The following CASD1 variants were observed in gnomAD, a reference collection of about 807,000 sequenced individuals.
CASD1 encodes CAS1 domain sialic acid O acetyltransferase 1, also known as N-acetylneuraminate (7)9-O-acetyltransferase.
Under a neutral mutation model 100.0 loss-of-function variants are expected in CASD1, and 41 were observed. The ratio of observed to expected loss-of-function variants is 0.41; its 90% confidence interval spans 0.32 to 0.53. The LOEUF is 0.53. Among genes scored for constraint, CASD1 ranks in the 20% least tolerant of loss-of-function variants. The pLI, the probability that CASD1 is intolerant of heterozygous loss-of-function variation, is 0.25. For missense variants in CASD1, 774 were observed against 948.7 expected, an observed-to-expected ratio of 0.82 and a Z score of 2.42; for synonymous variants, 321 against 315.6, an observed-to-expected ratio of 1.02 and a Z score of -0.18.
the CASD1 span, among the ~76,000 whole-genome samples, chr7:94,562,191 G>A: frequency 6.6e-6 from 1 of 152,126 alleles, no homozygotes; most frequent in African/African-American, 2.4e-5. Context: ...AGAAGCAAGA[G>A]CTAAATTTGT....
the CASD1 span, among the ~76,000 whole-genome samples, chr7:94,605,570 G>A: frequency 6.6e-6 from 1 of 152,038 alleles, no homozygotes; most frequent in South Asian, 2.1e-4. Flanking sequence ...TAAGATACCT[G>A]CAATACCTAG....
intron 1 of CASD1, among the ~76,000 whole-genome samples, chr7:94,517,131 C>A (rs1184326655): frequency 6.6e-6 from 1 of 152,042 alleles, no homozygotes; most frequent in Non-Finnish European, 1.5e-5. Context: ...CTCAAACACT[C>A]GACCTCGAGT....
chr7:94,591,559 C>G, the CASD1 span, among the ~76,000 whole-genome samples: 6 of 152,218 alleles, frequency 3.9e-5, no homozygotes, highest in East Asian at 1.2e-3. Context: ...CACATGTTTT[C>G]CAAAAGCACT....
the CASD1 span, chr7:94,599,647 G>C: frequency 2.0e-6 from 3 of 1,488,792 alleles, no homozygotes; most frequent in African/African-American, 1.4e-5. Flanking sequence ...ATGGGCAACT[G>C]AGAGGTGGGA....
At position 94,533,667 on chromosome 7, in the gene CASD1, ACTT is replaced by A. The variant is rs754814982; in HGVS notation, c.505-8_505-6del. ...AATACTAAATTAATGCATAATTTGT[ACTT>A]CTTTTTAGTGGTCCATCAAGATTCA... is the stretch of plus-strand genomic sequence containing the variant. On this transcript the variant is annotated splice_polypyrimidine_tract_variant and intron_variant, in intron 6 of 17. Transcript: ENST00000297273. 1.7e-5 allele frequency: 27 copies of A among 1,580,622 alleles called. No homozygotes were observed. In the South Asian group the frequency reaches 1.9e-4, roughly 11 times the overall value.
the CASD1 span, chr7:94,623,350 C>A: frequency 6.2e-7 from 1 of 1,602,798 alleles, no homozygotes; most frequent in Non-Finnish European, 8.5e-7. Context: ...TATTAATTAT[C>A]AAATTATGCC....
At chr7:94,534,819 A>G (rs1331923973) in intron 7 of CASD1, among the ~76,000 whole-genome samples, 3 of 152,166 alleles carry the variant, frequency 2.0e-5, no homozygotes, top group Admixed American at 1.3e-4. Context: ...AAAATTAGTT[A>G]TTTATAGTAA....
the CASD1 span, among the ~76,000 whole-genome samples, chr7:94,610,779 CAT>C: frequency 6.6e-6 from 1 of 151,998 alleles, no homozygotes; most frequent in Non-Finnish European, 1.5e-5. Context: ...GTATATAGAA[CAT>C]ATAAAAACTC....
chr7:94,606,204 C>T, the CASD1 span, among the ~76,000 whole-genome samples: 1 of 152,114 alleles, frequency 6.6e-6, no homozygotes, highest in African/African-American at 2.4e-5. Context: ...GATTGAAAAA[C>T]AAGATCCAAC....
At chr7:94,528,423 T>C (rs886474081) in intron 5 of CASD1, among the ~76,000 whole-genome samples, 173 bp downstream of exon 5, 1 of 152,178 alleles carries the variant, frequency 6.6e-6, no homozygotes, top group Non-Finnish European at 1.5e-5. Flanking sequence ...GAAGAGAAGA[T>C]GTAGATCCAA....
chr7:94,623,565 A>G, the CASD1 span: 2 of 597,168 alleles, frequency 3.3e-6, no homozygotes, highest in South Asian at 4.5e-5. Flanking sequence ...GCTTTTAGCA[A>G]TATTATGGGA....
chr7:94,630,417 T>G, the CASD1 span, among the ~76,000 whole-genome samples: 1 of 151,860 alleles, frequency 6.6e-6, no homozygotes, highest in Admixed American at 6.6e-5. Flanking sequence ...TCGCATCTCT[T>G]GTAGAAATGA....
the CASD1 span, chr7:94,619,229 C>A: frequency 3.4e-6 from 1 of 295,060 alleles, no homozygotes; most frequent in South Asian, 6.2e-5. Flanking sequence ...GGCAAAACAA[C>A]TAAGAAAAGC....
chr7:94,622,665 T>G, the CASD1 span: 1 of 151,974 alleles, frequency 6.6e-6, no homozygotes, highest in Non-Finnish European at 1.5e-5. Flanking sequence ...TACAAAGTAT[T>G]TGGTGATATT....
chr7:94,624,572 G>A, the CASD1 span: 24 of 209,872 alleles, frequency 1.1e-4, no homozygotes, highest in Admixed American at 7.0e-4. Context: ...ATTTCACACC[G>A]GACATTAAAA....
intron 5 of CASD1, among the ~76,000 whole-genome samples, chr7:94,528,946 T>C (rs562726209): frequency 6.6e-6 from 1 of 152,192 alleles, no homozygotes; most frequent in East Asian, 1.9e-4. Context: ...AGTTTTTTGG[T>C]TTGGGATTTT....
At chr7:94,619,498 G>T in the CASD1 span, 4 of 152,200 alleles carry the variant, frequency 2.6e-5, no homozygotes, top group African/African-American at 9.7e-5. Flanking sequence ...AATATTTCAT[G>T]ATTAACATCT....
At chr7:94,601,470 A>C in the CASD1 span, among the ~76,000 whole-genome samples, 4 of 130,092 alleles carry the variant, frequency 3.1e-5, no homozygotes, top group South Asian at 4.7e-4. Flanking sequence ...AAAAAAAAAA[A>C]AAAAAACTAC....
chr7:94,588,043 A>C, the CASD1 span: 1 of 1,369,844 alleles, frequency 7.3e-7, no homozygotes, highest in South Asian at 1.8e-5. Flanking sequence ...ACTAGGAATC[A>C]ACCACTAATT....
Sources: gnomAD v4.1 joint callset for allele counts (sites outside exome capture counted in the v4.1 genomes callset) on GRCh38, gnomAD v4.1.1 for gene constraint, MANE v1.5 for transcripts, NCBI Gene and HGNC (gene_info 2026-07-23, HGNC 2026-07-21) for gene names.